Variants in FHOD3 observed in about 807,000 individuals in gnomAD.
FHOD3 encodes the protein FH1/FH2 domain-containing protein 3.
FHOD3 carries 90 observed loss-of-function variants against 173.0 expected under a neutral mutation model. That is an observed-to-expected ratio of 0.52 (90% CI 0.44 to 0.62). The LOEUF is 0.62. FHOD3 is among the 20% of genes least tolerant of loss of function. FHOD3 has a pLI of 0.00. For synonymous variants in FHOD3, 828 were observed against 823.0 expected (o/e 1.01, Z -0.10); for missense variants, 1,945 against 2,034.7 (o/e 0.96, Z 0.85).
chr18:36,520,347 T>A (rs532812917), intron 5 of FHOD3, among the ~76,000 whole-genome samples: 1 of 152,214 alleles, frequency 6.6e-6, no homozygotes, highest in Admixed American at 6.5e-5. Context: ...AAATACTTCA[T>A]GTAGAGCATC....
chr18:36,324,326 A>G (rs2044556745), intron 1 of FHOD3, among the ~76,000 whole-genome samples: 1 of 152,232 alleles, frequency 6.6e-6, no homozygotes, highest in African/African-American at 2.4e-5. Context: ...GAAGGCAAAG[A>G]TTTCAATACA....
At chr18:36,660,746 G>A (rs771867704) in intron 14 of FHOD3, among the ~76,000 whole-genome samples, 2 of 152,206 alleles carry the variant, frequency 1.3e-5, no homozygotes, top group Non-Finnish European at 2.9e-5. Flanking sequence ...AGAGGCCCTG[G>A]GGAGGTGTGG....
intron 10 of FHOD3, among the ~76,000 whole-genome samples, chr18:36,639,450 A>G (rs567165401): frequency 2.0e-5 from 3 of 152,276 alleles, no homozygotes; most frequent in African/African-American, 7.2e-5. Flanking sequence ...AGGCGGGCGG[A>G]TCACGAGGTC....
chr18:36,475,524 A>G (rs1423986432), intron 3 of FHOD3, among the ~76,000 whole-genome samples: 1 of 152,126 alleles, frequency 6.6e-6, no homozygotes. Context: ...AATAAACACA[A>G]AAGAAATTGA....
chr18:36,655,214 T>TA (rs2036336530), intron 13 of FHOD3, among the ~76,000 whole-genome samples: 1 of 152,178 alleles, frequency 6.6e-6, no homozygotes, highest in Non-Finnish European at 1.5e-5. Context: ...ACATGACTCT[T>TA]ACACCTTCCA....
At chr18:36,512,686 T>C (rs1056531576) in intron 5 of FHOD3, 143 bp downstream of exon 5, 10 of 575,510 alleles carry the variant, frequency 1.7e-5, no homozygotes, top group Non-Finnish European at 3.0e-5. Flanking sequence ...CAAAAAAACA[T>C]CTGCCATAGG....
At chr18:36,409,587 C>G (rs776860532) in intron 3 of FHOD3, among the ~76,000 whole-genome samples, 1 of 152,202 alleles carries the variant, frequency 6.6e-6, no homozygotes, top group Non-Finnish European at 1.5e-5. Flanking sequence ...TGTCTGTGTT[C>G]TCAGTGCCAG....
chr18:36,502,047 A>G (rs753333277), intron 4 of FHOD3, 48 bp downstream of exon 4: 24 of 1,283,554 alleles, frequency 1.9e-5, no homozygotes, highest in Non-Finnish European at 2.6e-5. Context: ...ATTGCTGTGA[A>G]ATTAGATACA....
intron 2 of FHOD3, among the ~76,000 whole-genome samples, chr18:36,362,730 A>T (rs1487287483): frequency 6.6e-6 from 1 of 152,092 alleles, no homozygotes; most frequent in Non-Finnish European, 1.5e-5. Context: ...TGAAACCATA[A>T]CCCAGGTGTT....
At chr18:36,629,313 A>G (rs1393648326) in intron 10 of FHOD3, among the ~76,000 whole-genome samples, 2 of 152,348 alleles carry the variant, frequency 1.3e-5, no homozygotes, top group African/African-American at 2.4e-5. Flanking sequence ...GCATGGCTGC[A>G]TTCCAGTGAC....
Position 36,658,168 on chromosome 18 carries a change from A to G in FHOD3, c.1815A>G (p.Pro605=). ...CCCCCACATCATCCGTCTCACCCCCACAGGAGGCCAGGTTGGAAAGGTGAG... is the reference window on the plus strand; with the variant it reads ...CCCCCACATCATCCGTCTCACCCCCGCAGGAGGCCAGGTTGGAAAGGTGAG... ...PTTPTSSVSP[P]QEARLERSSP... is the part of the protein sequence containing the mutation. The change falls in exon 14 of 29, where the codon CCA becomes CCG. Residue 605 remains proline, a synonymous_variant. Transcript: ENST00000590592. 6.3e-7 allele frequency: 1 copy of G among 1,585,190 alleles called. No homozygotes were observed. The highest frequency in any genetic ancestry group is 8.6e-7 in the Non-Finnish European group (1 of 1,168,710).
intron 1 of FHOD3, among the ~76,000 whole-genome samples, chr18:36,311,670 C>T (rs1176048250): frequency 2.0e-5 from 3 of 152,178 alleles, no homozygotes; most frequent in Non-Finnish European, 2.9e-5. Flanking sequence ...TACCATCCCA[C>T]ACCTGCACCC....
At chr18:36,655,498 A>G (rs1568558615) in intron 13 of FHOD3, among the ~76,000 whole-genome samples, 1 of 152,318 alleles carries the variant, frequency 6.6e-6, no homozygotes, top group Middle Eastern at 3.4e-3. Flanking sequence ...GGAAAAAAAA[A>G]GCTGCTTGCT....
At chr18:36,763,204 T>C (rs1157712262) in intron 27 of FHOD3, among the ~76,000 whole-genome samples, 1 of 148,314 alleles carries the variant, frequency 6.7e-6, no homozygotes, top group Non-Finnish European at 1.5e-5. Context: ...TTATATACGT[T>C]ATATATGTGT....
chr18:36,544,889 GACAA>G (rs2057357026), intron 5 of FHOD3, among the ~76,000 whole-genome samples: 1 of 152,162 alleles, frequency 6.6e-6, no homozygotes, highest in Non-Finnish European at 1.5e-5. Context: ...TCAAAAATTA[GACAA>G]ACAACCTAAC....
chr18:36,587,119 A>G (rs115060886), intron 6 of FHOD3, among the ~76,000 whole-genome samples: 3,559 of 152,188 alleles, frequency 0.023, 151 homozygotes, highest in African/African-American at 0.082. Flanking sequence ...CATTAAAAGC[A>G]AGGGAAGGAA....
intron 8 of FHOD3, among the ~76,000 whole-genome samples, chr18:36,607,273 A>G (rs2848905): frequency 0.74 from 112,045 of 152,090 alleles, 41,919 homozygotes; most frequent in South Asian, 0.89. Flanking sequence ...AGTACCATGT[A>G]TTTTATGGCT....
intron 5 of FHOD3, among the ~76,000 whole-genome samples, chr18:36,545,107 C>A (rs1467973495): frequency 6.6e-6 from 1 of 152,094 alleles, no homozygotes; most frequent in East Asian, 1.9e-4. Context: ...ACCCTCCCTC[C>A]CTCTCCTTCT....
chr18:36,467,540 C>A (rs1268820817), intron 3 of FHOD3, among the ~76,000 whole-genome samples: 1 of 152,140 alleles, frequency 6.6e-6, no homozygotes, highest in African/African-American at 2.4e-5. Context: ...CAGGAGGGTG[C>A]TGTGAGGGAG....
Sources: allele counts gnomAD v4.1 joint callset (sites outside exome capture counted in the v4.1 genomes callset), GRCh38; gene constraint gnomAD v4.1.1; transcripts MANE v1.5; gene names NCBI Gene and HGNC (gene_info 2026-07-23, HGNC 2026-07-21).